The following GLRA2 variants were observed in gnomAD, a reference collection of about 807,000 sequenced individuals.
The protein encoded by GLRA2 is glycine receptor subunit alpha-2.
A neutral mutation model predicts 31.6 loss-of-function variants in GLRA2; 11 were observed. That is an observed-to-expected ratio of 0.35 (90% CI 0.22 to 0.58). GLRA2 has a LOEUF of 0.58. GLRA2 is among the 20% of genes least tolerant of loss of function. The pLI is 0.84. For synonymous variants in GLRA2, 132 were observed against 134.0 expected (o/e 0.99, Z 0.10); for missense variants, 212 against 351.8 (o/e 0.60, Z 3.18).
the GLRA2 span, among the ~76,000 whole-genome samples, chrX:14,502,500 A>C: frequency 2.5e-4 from 28 of 111,594 alleles, no homozygotes; most frequent in African/African-American, 8.5e-4. Flanking sequence ...GTATACAGTC[A>C]ATTCTTATGA....
intron 3 of GLRA2, among the ~76,000 whole-genome samples, chrX:14,580,123 G>A (rs192407755): frequency 3.0e-3 from 333 of 111,483 alleles, no homozygotes; most frequent in Non-Finnish European, 5.2e-3. Flanking sequence ...GAGTTTTGGG[G>A]CCAAAATTGG....
intron 7 of GLRA2, among the ~76,000 whole-genome samples, chrX:14,683,924 G>T (rs1306284977): frequency 1.8e-5 from 2 of 110,364 alleles, no homozygotes; most frequent in East Asian, 5.6e-4. Flanking sequence ...GAATCAGTAG[G>T]GCCATGGAGA....
the GLRA2 span, among the ~76,000 whole-genome samples, chrX:14,494,254 G>A: frequency 9.0e-6 from 1 of 111,559 alleles, no homozygotes; most frequent in Non-Finnish European, 1.9e-5. Flanking sequence ...CTGTTCAAAT[G>A]GGTGTGTTTG....
chrX:14,598,437 A>G (rs2090232612), intron 4 of GLRA2, among the ~76,000 whole-genome samples: 1 of 112,520 alleles, frequency 8.9e-6, no homozygotes, highest in African/African-American at 3.2e-5. Flanking sequence ...TCTGTCTGCC[A>G]TAACATTGTA....
the GLRA2 span, among the ~76,000 whole-genome samples, chrX:14,493,798 C>T: frequency 2.0e-5 from 2 of 99,822 alleles, no homozygotes; most frequent in African/African-American, 3.7e-5. Flanking sequence ...CACACACACA[C>T]ATATATATGT....
At chrX:14,637,149 A>G (rs1278347299) in intron 7 of GLRA2, among the ~76,000 whole-genome samples, 1 of 112,378 alleles carries the variant, frequency 8.9e-6, no homozygotes, top group Non-Finnish European at 1.9e-5. Context: ...ACTTTGAGGC[A>G]GGAGTTCACT....
chrX:14,508,141 C>T, the GLRA2 span, among the ~76,000 whole-genome samples: 2 of 111,783 alleles, frequency 1.8e-5, no homozygotes, highest in Non-Finnish European at 3.8e-5. Context: ...GTTAAAGAAA[C>T]ACAAATTAAC....
chrX:14,512,675 C>T, the GLRA2 span, among the ~76,000 whole-genome samples: 4 of 110,969 alleles, frequency 3.6e-5, no homozygotes, highest in Admixed American at 1.9e-4. Context: ...TTTACAGTAG[C>T]TGCAAAAAAA....
At chrX:14,687,801 C>T (rs2091296472) in intron 7 of GLRA2, among the ~76,000 whole-genome samples, 1 of 112,580 alleles carries the variant, frequency 8.9e-6, no homozygotes, top group Non-Finnish European at 1.9e-5. Flanking sequence ...CCTCTCAACT[C>T]GTCAAAGTCA....
chrX:14,562,043 C>CA (rs770326346), intron 2 of GLRA2, among the ~76,000 whole-genome samples: 2 of 111,989 alleles, frequency 1.8e-5, no homozygotes, highest in East Asian at 5.6e-4. Flanking sequence ...ATCTAAAAAA[C>CA]AAAAAAATCT....
chrX:14,510,139 G>A, the GLRA2 span, among the ~76,000 whole-genome samples: 1 of 111,462 alleles, frequency 9.0e-6, no homozygotes, highest in African/African-American at 3.3e-5. Flanking sequence ...AAGAAAACTA[G>A]GGATGGTAAA....
intron 4 of GLRA2, among the ~76,000 whole-genome samples, chrX:14,604,073 CAG>C (rs774531054): frequency 2.6e-4 from 29 of 110,265 alleles, no homozygotes; most frequent in African/African-American, 8.6e-4. Flanking sequence ...GAGGGAGAAT[CAG>C]AGGCTGGAAG....
chrX:14,536,836 AAG>A (rs1473045325), intron 2 of GLRA2, among the ~76,000 whole-genome samples: 3 of 111,849 alleles, frequency 2.7e-5, no homozygotes, highest in Admixed American at 9.5e-5. Flanking sequence ...TACAGAAAAA[AAG>A]AGTTTTCAGG....
At chrX:14,466,205 A>G in the GLRA2 span, among the ~76,000 whole-genome samples, 4 of 111,214 alleles carry the variant, frequency 3.6e-5, no homozygotes, top group Non-Finnish European at 5.7e-5. Context: ...TCTACTGACC[A>G]CAAATGAGCA....
In GLRA2 at chrX:14,529,999, T is replaced by C; in HGVS notation, c.-59T>C. On this transcript the variant is annotated 5_prime_UTR_variant, in exon 1 of 9. Transcript: ENST00000218075. ...ATCTGGACAATAAACAGACACTTTG[T>C]CCTAGCATCTTTCTGGAATCATTTC... The C allele has an allele frequency of 4.6e-6, 4 of 874,240 alleles. No homozygotes were observed. Among genetic ancestry groups the C allele is most frequent in the Non-Finnish European group, 6.8e-6 (4 of 587,196 alleles). The allele number at this position is 874,240 out of a possible 1,213,427, so 72.0% of individuals were successfully genotyped here.
At chrX:14,721,391 T>C (rs2091864046) in intron 8 of GLRA2, among the ~76,000 whole-genome samples, 2 of 111,556 alleles carry the variant, frequency 1.8e-5, no homozygotes, top group African/African-American at 6.5e-5. Context: ...GAGTTAATCA[T>C]TCCACAACAA....
At chrX:14,723,120 G>A (rs941286519) in intron 8 of GLRA2, among the ~76,000 whole-genome samples, 2 of 112,105 alleles carry the variant, frequency 1.8e-5, no homozygotes, top group African/African-American at 6.5e-5. Context: ...ATCTCTCTGA[G>A]TTACAGACTG....
chrX:14,715,406 C>T (rs1445216812), intron 8 of GLRA2, among the ~76,000 whole-genome samples: 1 of 112,163 alleles, frequency 8.9e-6, no homozygotes, highest in African/African-American at 3.2e-5. Flanking sequence ...TTACTTTATA[C>T]ATATATGCAT....
the GLRA2 span, among the ~76,000 whole-genome samples, chrX:14,516,217 C>T: frequency 1.6e-4 from 18 of 111,136 alleles, no homozygotes; most frequent in Admixed American, 1.2e-3. Context: ...TATCCCCTCC[C>T]TCCCACACCA....
Sources: allele counts gnomAD v4.1 joint callset (sites outside exome capture counted in the v4.1 genomes callset), GRCh38; gene constraint gnomAD v4.1.1; transcripts MANE v1.5; gene names NCBI Gene and HGNC (gene_info 2026-07-23, HGNC 2026-07-21).